EYS: variants seen among roughly 807,000 people sequenced by gnomAD.
EYS encodes the protein protein eyes shut homolog.
Under a neutral mutation model 282.1 loss-of-function variants are expected in EYS, and 250 were observed. That is an observed-to-expected ratio of 0.89 (90% CI 0.80 to 0.98). The LOEUF is 0.98. Ranked by LOEUF, EYS falls within the 50% of genes least tolerant of loss-of-function variation. The pLI is 0.00. For synonymous variants in EYS, 1,355 were observed against 1,282.9 expected (o/e 1.06, Z -1.20); for missense variants, 4,016 against 3,709.0 (o/e 1.08, Z -2.15).
intron 26 of EYS, among the ~76,000 whole-genome samples, chr6:64,486,257 C>T (rs1223394195): frequency 1.3e-5 from 2 of 151,372 alleles, no homozygotes; most frequent in Admixed American, 6.6e-5. Context: ...TGACATATCA[C>T]AATCAATTCC....
intron 24 of EYS, among the ~76,000 whole-genome samples, chr6:64,608,604 C>A (rs1164884743): frequency 6.6e-6 from 1 of 152,056 alleles, no homozygotes; most frequent in African/African-American, 2.4e-5. Context: ...ACAAAAAACT[C>A]CACAAGAATA....
At chr6:65,441,562 CA>C (rs1184772903) in intron 5 of EYS, among the ~76,000 whole-genome samples, 1 of 151,846 alleles carries the variant, frequency 6.6e-6, no homozygotes, top group East Asian at 1.9e-4. Flanking sequence ...GGTTGCAGAT[CA>C]AAACTGTGCA....
chr6:65,124,290 G>A (rs1288060027), intron 12 of EYS, among the ~76,000 whole-genome samples: 3 of 152,004 alleles, frequency 2.0e-5, no homozygotes, highest in Non-Finnish European at 2.9e-5. Flanking sequence ...CTTGATGTTC[G>A]CTTTGTCACA....
Position 64,862,924 on chromosome 6 carries a change from C to T in EYS, c.2992+23773G>A, listed in dbSNP as rs564156616. On this transcript the variant is annotated intron_variant, in intron 19 of 42. Coordinates refer to ENST00000503581, the MANE Select transcript of EYS (RefSeq NM_001142800.2). Reference sequence around the variant, plus strand: ...TTGATTTCCATGAGACTTCGTGATACGTTCTCTGTATTTATTCCATTTAAA... The same window carrying T: ...TTGATTTCCATGAGACTTCGTGATATGTTCTCTGTATTTATTCCATTTAAA... Among the ~76,000 whole-genome samples, 9 of 152,088 alleles carry T rather than the reference C, an allele frequency of 5.9e-5. 1 individual carries two copies. The South Asian group carries it at 1.2e-3, about 21-fold the overall frequency.
At chr6:64,576,422 A>C (rs951543620) in intron 26 of EYS, among the ~76,000 whole-genome samples, 1 of 152,090 alleles carries the variant, frequency 6.6e-6, no homozygotes, top group Non-Finnish European at 1.5e-5. Flanking sequence ...CAGATGAGAA[A>C]ATTGAGATTA....
chr6:65,594,774 T>C lies in EYS; in HGVS notation c.-333+45004A>G, dbSNP rs1192842013. The stretch of plus-strand genomic sequence containing the variant: ...CCTGAATGGTATTGCCTAGGTTTTC[T>C]TCTAGGGTTTTTATGGTTTTAGGTC... On this transcript the variant is annotated intron_variant, in intron 2 of 42. Coordinates refer to ENST00000503581, the MANE Select transcript of EYS (RefSeq NM_001142800.2). 2.0e-5 allele frequency among the ~76,000 whole-genome samples: 3 copies of C among 152,154 alleles called. No individual in the cohort carries two copies. The East Asian group carries it at 5.8e-4, about 29-fold the overall frequency.
chr6:64,197,863 G>C (rs1214670507), intron 31 of EYS, among the ~76,000 whole-genome samples: 1 of 151,330 alleles, frequency 6.6e-6, no homozygotes, highest in Non-Finnish European at 1.5e-5. Context: ...TTACGGCTGG[G>C]CTTTGACTCT....
intron 12 of EYS, among the ~76,000 whole-genome samples, chr6:65,137,463 A>C (rs1394736842): frequency 3.3e-5 from 5 of 152,116 alleles, no homozygotes; most frequent in Non-Finnish European, 7.4e-5. Context: ...ATATTAAGGC[A>C]ATAGAAAAGC....
At chr6:64,859,517 T>G (rs1199650107) in intron 19 of EYS, among the ~76,000 whole-genome samples, 2 of 152,052 alleles carry the variant, frequency 1.3e-5, no homozygotes, top group African/African-American at 2.4e-5. Context: ...TTCCTACATG[T>G]TGTGGGAGGG....
Position 64,636,876 on chromosome 6 carries a change from G to A in EYS, c.3444-10631C>T, listed in dbSNP as rs1207407243. 3.3e-3 allele frequency among the ~76,000 whole-genome samples: 462 copies of A among 139,272 alleles called. 3 individuals are homozygous for A. Among genetic ancestry groups the A allele is most frequent in the Non-Finnish European group, 3.4e-3 (219 of 64,476 alleles). The allele number at this position is 139,272 out of a possible 152,430, so 91.4% of individuals were successfully genotyped here. A position where few individuals can be genotyped will look rare whatever the true frequency, so the allele number is the denominator to read the frequency against. ...ACTGGCCATCAGAGAAATGCAAATC[G>A]AAACCACAATGAGATACCATCTCAC... On this transcript the variant is annotated intron_variant, in intron 22 of 42. Coordinates refer to ENST00000503581, the MANE Select transcript of EYS (RefSeq NM_001142800.2).
intron 35 of EYS, among the ~76,000 whole-genome samples, chr6:63,869,341 T>G (rs1772744295): frequency 6.6e-6 from 1 of 152,142 alleles, no homozygotes; most frequent in African/African-American, 2.4e-5. Flanking sequence ...TGGTATAATC[T>G]CTCGCCTTCT....
intron 26 of EYS, among the ~76,000 whole-genome samples, chr6:64,461,007 T>C (rs928708210): frequency 1.5e-4 from 23 of 152,196 alleles, no homozygotes; most frequent in African/African-American, 3.4e-4. Context: ...TGTAATATTA[T>C]ATTGAGCATA....
chr6:64,325,518 C>T (rs1029381412), intron 29 of EYS, among the ~76,000 whole-genome samples: 1 of 152,088 alleles, frequency 6.6e-6, no homozygotes, highest in Non-Finnish European at 1.5e-5. Flanking sequence ...TTTAACACCT[C>T]CCAAAAAGTC....
At chr6:63,784,367 A>G (rs1026946857) in intron 39 of EYS, among the ~76,000 whole-genome samples, 5 of 152,190 alleles carry the variant, frequency 3.3e-5, no homozygotes, top group African/African-American at 1.2e-4. Context: ...AGTGGAAGCG[A>G]GTTAAGTATA....
intron 31 of EYS, among the ~76,000 whole-genome samples, chr6:64,094,658 T>C (rs1772516410): frequency 2.6e-5 from 4 of 152,208 alleles, no homozygotes; most frequent in Admixed American, 2.6e-4. Context: ...TTCTTCTGTA[T>C]TAATCTTGCT....
At chr6:64,609,363 G>A (rs898317776) in intron 24 of EYS, among the ~76,000 whole-genome samples, 1 of 152,158 alleles carries the variant, frequency 6.6e-6, no homozygotes, top group Admixed American at 6.6e-5. Flanking sequence ...TCTAGTTAAA[G>A]TGTAGCATGT....
intron 5 of EYS, among the ~76,000 whole-genome samples, chr6:65,443,251 T>C (rs115705695): frequency 2.2e-3 from 229 of 102,356 alleles, no homozygotes; most frequent in Middle Eastern, 0.014. Flanking sequence ...GACATATGTG[T>C]ATACATATAT....
intron 29 of EYS, among the ~76,000 whole-genome samples, chr6:64,370,226 T>C (rs1772317871): frequency 6.6e-6 from 1 of 152,166 alleles, no homozygotes; most frequent in Non-Finnish European, 1.5e-5. Context: ...TGAGGGTTTT[T>C]AACATGAAGG....
At chr6:64,640,390 C>T (rs1195720688) in intron 22 of EYS, among the ~76,000 whole-genome samples, 1 of 152,120 alleles carries the variant, frequency 6.6e-6, no homozygotes, top group East Asian at 1.9e-4. Context: ...TATATACAGC[C>T]ATAAAAATGA....
Sources: allele counts gnomAD v4.1 joint callset (sites outside exome capture counted in the v4.1 genomes callset), GRCh38; gene constraint gnomAD v4.1.1; transcripts MANE v1.5; gene names NCBI Gene and HGNC (gene_info 2026-07-23, HGNC 2026-07-21).